FAU: variants seen among roughly 807,000 people sequenced by gnomAD.
FAU encodes the protein ubiquitin-like FUBI-ribosomal protein eS30 fusion protein.
For missense variants in FAU, 125 were observed against 173.9 expected, an observed-to-expected ratio of 0.72 and a Z score of 1.58; for synonymous variants, 70 against 69.9, an observed-to-expected ratio of 1.00 and a Z score of -0.01.
Position 65,120,684 on chromosome 11 carries a change from A to C in FAU, c.399T>G (p.Ser133=). Residue 133 remains serine, a synonymous_variant, in exon 5 of 5, where the codon TCT becomes TCG. Coordinates refer to ENST00000529639, the MANE Select transcript of FAU (RefSeq NM_001997.5). The part of the protein sequence containing the change: ...FGKKKGPNAN[S] ...GAAAGCCAGAATTACAAAAGACTTA[A>C]GAGTTGGCATTGGGGCCCTTCTTCT... 1 of 1,614,122 alleles carries C rather than the reference A, an allele frequency of 6.2e-7. No individual in the cohort carries two copies. Among genetic ancestry groups the C allele is most frequent in the Non-Finnish European group, 8.5e-7 (1 of 1,180,012 alleles).
At chr11:65,121,938 C>T in intron 1 of FAU, 117 bp from the exon 2 acceptor site, 1 of 1,092,906 alleles carries the variant, frequency 9.1e-7, no homozygotes, top group Non-Finnish European at 1.3e-6. Context: ...CGCGGCGGCT[C>T]ACGTGGGGAA....
Position 65,120,633 on chromosome 11 carries a change from C to G in FAU, c.*48G>C. The G allele has an allele frequency of 6.2e-7, 1 of 1,609,390 alleles. No homozygotes were observed. The highest frequency in any genetic ancestry group is 8.5e-7 in the Non-Finnish European group (1 of 1,177,748). On this transcript the variant is annotated 3_prime_UTR_variant, in exon 5 of 5. Coordinates refer to ENST00000529639, the MANE Select transcript of FAU (RefSeq NM_001997.5). ...AAGTAAAGATGAAACAATGCGATGA[C>G]TGAACTAAGTGGCTTTTTTATTAGA...
intron 3 of FAU, 60 bp from the exon 4 acceptor site, chr11:65,121,096 C>T (rs79778399): frequency 3.2e-6 from 5 of 1,554,546 alleles, no homozygotes; most frequent in East Asian, 4.5e-5. Context: ...CCAGCAGAAC[C>T]CCTCTTTTCT....
Position 65,121,960 on chromosome 11 carries a change from CCAAGGAGTTCGG to C in FAU, c.-9+118_-9+129del, listed in dbSNP as rs532000586. The C allele has an allele frequency of 5.2e-4, 429 of 818,644 alleles. 1 individual carries two copies. The African/African-American group carries it at 6.0e-3, about 11-fold the overall frequency. 50.7% of individuals were successfully genotyped at this position (818,644 alleles called of 1,614,324 possible). The stretch of plus-strand genomic sequence containing the variant: ...GCTCACGTGGGGAAGGCCAGGCCTC[CCAAGGAGTTCGG>C]ATAGGGACTGGAGCAGGGCCACGGA... On this transcript the variant is annotated intron_variant, in intron 1 of 4. Coordinates refer to ENST00000529639, the MANE Select transcript of FAU (RefSeq NM_001997.5).
chr11:65,121,897 G>T, intron 1 of FAU, 76 bp from the exon 2 acceptor site: 2 of 1,480,188 alleles, frequency 1.4e-6, no homozygotes, highest in Non-Finnish European at 9.3e-7. Flanking sequence ...AGTGGAAAGC[G>T]GTCCAGAAAC....
rs1488714944 is a variant in FAU, at chr11:65,122,126, G to C, written c.-45C>G. On this transcript the variant is annotated 5_prime_UTR_variant, in exon 1 of 5. Coordinates refer to ENST00000529639, the MANE Select transcript of FAU (RefSeq NM_001997.5). ...TCCCAGCTACCGCGAAGATGGAGTC[G>C]AGAAAGAGGAAGAAGCGAGGGCGCG... is the stretch of plus-strand genomic sequence containing the variant. 1 of 602,954 alleles carries C rather than the reference G, an allele frequency of 1.7e-6. No homozygotes were observed. The highest frequency in any genetic ancestry group is 2.8e-5 in the East Asian group (1 of 35,896). 37.4% of individuals were successfully genotyped at this position (602,954 alleles called of 1,614,324 possible).
At chr11:65,121,950 G>T in intron 1 of FAU, 129 bp from the exon 2 acceptor site, 2 of 893,030 alleles carry the variant, frequency 2.2e-6, no homozygotes, top group Non-Finnish European at 3.5e-6. Context: ...CGTGGGGAAG[G>T]CCAGGCCTCC....
chr11:65,121,005 T>C lies in FAU; in HGVS notation c.252A>G (p.Gly84=). 1 of 1,614,114 alleles carries C rather than the reference T, an allele frequency of 6.2e-7. No homozygotes were observed. Among genetic ancestry groups the C allele is most frequent in the Non-Finnish European group, 8.5e-7 (1 of 1,180,014 alleles). The change falls in exon 4 of 5, where the codon GGA becomes GGG. Residue 84 remains glycine, a synonymous_variant. Coordinates refer to ENST00000529639, the MANE Select transcript of FAU (RefSeq NM_001997.5). ...GKVHGSLARA[G]KVRGQTPKVA... is the part of the protein sequence containing the mutation. ...CCTTAGGAGTCTGACCTCTCACTTT[T>C]CCAGCACGGGCCAGGGAACCATGGA...
intron 1 of FAU, 27 bp from the exon 2 acceptor site, chr11:65,121,848 G>A (rs1453728694): frequency 6.2e-7 from 1 of 1,606,888 alleles, no homozygotes; most frequent in Non-Finnish European, 8.5e-7. Context: ...CGGCTTGTAA[G>A]AGAAGCCAAG....
Position 65,120,657 on chromosome 11 carries a change from G to C in FAU, c.*24C>G, listed in dbSNP as rs1948038272. The C allele has an allele frequency of 1.9e-6, 3 of 1,612,162 alleles. No homozygotes were observed. Among genetic ancestry groups the C allele is most frequent in the Admixed American group, 1.7e-5 (1 of 59,712 alleles). On this transcript the variant is annotated 3_prime_UTR_variant, in exon 5 of 5. Coordinates refer to ENST00000529639, the MANE Select transcript of FAU (RefSeq NM_001997.5). ...ACTGAACTAAGTGGCTTTTTTATTAGAGAAAGCCAGAATTACAAAAGACTT... is the reference window on the plus strand; with the variant it reads ...ACTGAACTAAGTGGCTTTTTTATTACAGAAAGCCAGAATTACAAAAGACTT...
Position 65,121,836 on chromosome 11 carries a change from G to C in FAU, c.-8-15C>G, listed in dbSNP as rs974967882. On this transcript the variant is annotated splice_polypyrimidine_tract_variant and intron_variant, in intron 1 of 4. Transcript: ENST00000529639. ...CATATTGGCGACTGAGTAAAGAAAAGACGGCTTGTAAGAGAAGCCAAGAAA... is the reference window on the plus strand; with the variant it reads ...CATATTGGCGACTGAGTAAAGAAAACACGGCTTGTAAGAGAAGCCAAGAAA... The C allele has an allele frequency of 1.9e-6, 3 of 1,613,392 alleles. No homozygotes were observed. In the African/African-American group the frequency reaches 4.0e-5, roughly 22 times the overall value.
chr11:65,122,017 TC>T, intron 1 of FAU, 72 bp downstream of exon 1: 1 of 624,022 alleles, frequency 1.6e-6, no homozygotes, highest in Non-Finnish European at 2.8e-6. Context: ...GTTCTTCGGT[TC>T]CCCCCGCGCC....
Position 65,120,642 on chromosome 11 carries a change from G to A in FAU, c.*39C>T. The A allele has an allele frequency of 6.2e-7, 1 of 1,611,506 alleles. No homozygotes were observed. ...TGAAACAATGCGATGACTGAACTAA[G>A]TGGCTTTTTTATTAGAGAAAGCCAG... On this transcript the variant is annotated 3_prime_UTR_variant, in exon 5 of 5. Coordinates refer to ENST00000529639, the MANE Select transcript of FAU (RefSeq NM_001997.5).
Position 65,120,777 on chromosome 11 carries a change from C to T in FAU, c.306G>A (p.Lys102=). Residue 102 remains lysine, a synonymous_variant, in exon 5 of 5, where the codon AAG becomes AAA. Transcript: ENST00000529639. ...KVAKQEKKKK[K]TGRAKRRMQY... The stretch of plus-strand genomic sequence containing the variant: ...GCATCCGCCGCTTAGCCCGACCTGT[C>T]TTCTTCTTCTTCTTCTCCTGTTTGG... 4 of 1,605,964 alleles carry T rather than the reference C, an allele frequency of 2.5e-6. No individual in the cohort carries two copies. Among genetic ancestry groups the T allele is most frequent in the Non-Finnish European group, 3.4e-6 (4 of 1,174,732 alleles).
intron 3 of FAU, 97 bp from the exon 4 acceptor site, chr11:65,121,133 C>T (rs940694685): frequency 1.5e-5 from 19 of 1,242,764 alleles, no homozygotes; most frequent in African/African-American, 3.0e-5. Context: ...AGAGAAGCTG[C>T]GCCCAATAGG....
chr11:65,120,732 G>A lies in FAU; in HGVS notation c.351C>T (p.Val117=), dbSNP rs1948038878. Residue 117 remains valine (V), a synonymous_variant, in exon 5 of 5, where the codon GTC becomes GTT. Transcript: ENST00000529639. ...KRRMQYNRRF[V]NVVPTFGKKK... ...TCTTGCCAAAGGTGGGCACAACGTT[G>A]ACAAAGCGCCGGTTGTACTGCATCC... The A allele has an allele frequency of 6.2e-7, 1 of 1,614,180 alleles. No homozygotes were observed. Among genetic ancestry groups the A allele is most frequent in the Non-Finnish European group, 8.5e-7 (1 of 1,180,034 alleles).
At position 65,121,584 on chromosome 11, in the gene FAU, C is replaced by G. The variant is rs533754786; in HGVS notation, c.136G>C (p.Ala46Pro). Residue 46 changes from alanine (A) to proline (P), a missense_variant, in exon 3 of 5, where the codon GCG (alanine) becomes CCG (proline). Coordinates refer to ENST00000529639, the MANE Select transcript of FAU (RefSeq NM_001997.5). ...AGAGTGGCCTCATCCTCCAGGGGCG[C>G]GCCTGCCAGGAGCACGACTTGATCT... is the stretch of plus-strand genomic sequence containing the variant. Reference protein sequence around the residue: ...PEDQVVLLAGAPLEDEATLGQ... With the variant: ...PEDQVVLLAGPPLEDEATLGQ... 7 of 1,614,020 alleles carry G rather than the reference C, an allele frequency of 4.3e-6. No homozygotes were observed. In the South Asian group the frequency reaches 7.7e-5, roughly 18 times the overall value.
chr11:65,121,201 C>A, intron 3 of FAU, 165 bp from the exon 4 acceptor site: 1 of 814,824 alleles, frequency 1.2e-6, no homozygotes, highest in Non-Finnish European at 1.9e-6. Context: ...ATTTCAGGAT[C>A]TTCCAGCTTC....
intron 3 of FAU, 68 bp from the exon 4 acceptor site, chr11:65,121,104 T>C: frequency 2.0e-6 from 3 of 1,528,856 alleles, no homozygotes; most frequent in Non-Finnish European, 2.7e-6. Context: ...ACCCCTCTTT[T>C]CTCAATTCAA....
Sources: gnomAD v4.1 joint callset for allele counts on GRCh38, gnomAD v4.1.1 for gene constraint, MANE v1.5 for transcripts, NCBI Gene and HGNC (gene_info 2026-07-23, HGNC 2026-07-21) for gene names.